The following GANAB variants were observed in gnomAD, a reference collection of about 807,000 sequenced individuals.
GANAB encodes glucosidase II alpha subunit.
In GANAB, 35 loss-of-function variants were observed where a neutral mutation model predicts 129.9. The observed-to-expected ratio is 0.27, with a 90% CI of 0.21 to 0.36. The LOEUF (loss-of-function observed/expected upper bound fraction) is 0.36. Ranked by LOEUF, GANAB falls within the 10% of genes least tolerant of loss-of-function variation. The pLI is 1.00. For synonymous variants in GANAB, 482 were observed against 451.8 expected (o/e 1.07, Z -0.85); for missense variants, 939 against 1,221.0 (o/e 0.77, Z 3.44).
intron 1 of GANAB, 54 bp downstream of exon 1, chr11:62,646,508 A>C: frequency 1.3e-6 from 2 of 1,588,216 alleles, no homozygotes; most frequent in Non-Finnish European, 1.7e-6. Context: ...GTGGAATGGG[A>C]CTTGGGGGAT....
Position 62,626,402 on chromosome 11 carries a change from T to G in GANAB, c.2557A>C (p.Asn853His). Residue 853 changes from asparagine (N) to histidine (H), a missense_variant, in exon 22 of 24, where the codon AAC becomes CAC. Physicochemically the swap from Asn to His is moderately conservative, Grantham distance 68. Transcript: ENST00000356638. ...ELFLDDGHTF[N>H]YQTRQEFLLR... ...AGGAACTCTTGGCGAGTCTGATAGT[T>G]GAACGTGTGCCCATCATCCAGAAAG... 1 of 1,613,780 alleles carries G rather than the reference T, an allele frequency of 6.2e-7. No individual in the cohort carries two copies. Among genetic ancestry groups the G allele is most frequent in the East Asian group, 2.2e-5 (1 of 44,876 alleles).
intron 5 of GANAB, chr11:62,634,524 A>G (rs1943846554): frequency 1.5e-6 from 1 of 647,468 alleles, no homozygotes; most frequent in East Asian, 2.7e-5. Flanking sequence ...AAACGAAGAA[A>G]ATAAATCTGG....
Position 62,635,049 on chromosome 11 carries a change from G to A in GANAB, c.381-49C>T, listed in dbSNP as rs775863882. On this transcript the variant is annotated intron_variant, in intron 4 of 23. Coordinates refer to ENST00000356638, the MANE Select transcript of GANAB (RefSeq NM_198334.3). Reference sequence around the variant, plus strand: ...ATAAGGAAGTACAAAGGGCCAAGAGGAGTAATGACACTTTAGAAGACCGGG... The same window carrying A: ...ATAAGGAAGTACAAAGGGCCAAGAGAAGTAATGACACTTTAGAAGACCGGG... 4.4e-6 allele frequency: 6 copies of A among 1,365,442 alleles called. No homozygotes were observed. In the Admixed American group the frequency reaches 8.8e-5, roughly 20 times the overall value. 84.6% of individuals were successfully genotyped at this position (1,365,442 alleles called of 1,614,324 possible). A position where few individuals can be genotyped will look rare whatever the true frequency, so the allele number is the denominator to read the frequency against.
At chr11:62,632,494 C>G in intron 9 of GANAB, 71 bp downstream of exon 9, 1 of 1,190,160 alleles carries the variant, frequency 8.4e-7, no homozygotes, top group African/African-American at 1.5e-5. Context: ...AGCTAATGCC[C>G]CTAGTATACC....
At chr11:62,635,629 CTT>C (rs879709853) in intron 4 of GANAB, among the ~76,000 whole-genome samples, 20 of 141,890 alleles carry the variant, frequency 1.4e-4, no homozygotes, top group Non-Finnish European at 1.2e-4. Flanking sequence ...TGATGTACTT[CTT>C]TTTTTTTTTT....
At chr11:62,643,622 G>A (rs545829286) in intron 1 of GANAB, among the ~76,000 whole-genome samples, 122 of 152,186 alleles carry the variant, frequency 8.0e-4, no homozygotes, top group African/African-American at 2.8e-3. Context: ...CAGCCTGGGC[G>A]ACACAGCGAA....
At chr11:62,631,256 A>T in intron 9 of GANAB, 73 bp from the exon 10 acceptor site, 1 of 1,390,520 alleles carries the variant, frequency 7.2e-7, no homozygotes, top group Non-Finnish European at 9.8e-7. Context: ...AAAAAGTAGC[A>T]ATTTTCTCCC....
chr11:62,633,058 C>A lies in GANAB; in HGVS notation c.762G>T (p.Glu254Asp), dbSNP rs1167855800. Reference sequence around the variant, plus strand: ...CATGCTCAGGGATCCCATAGACATGCTCCATGCCTGGCAGAGAGAAGTCCA... The same window carrying A: ...CATGCTCAGGGATCCCATAGACATGATCCATGCCTGGCAGAGAGAAGTCCA... Reference protein sequence around the residue: ...VGLDFSLPGMEHVYGIPEHAD... With the variant: ...VGLDFSLPGMDHVYGIPEHAD... The change falls in exon 8 of 24, where the codon GAG becomes GAT. Residue 254 changes from glutamate to aspartate, a missense_variant. By Grantham distance (45) the Glu-to-Asp change is conservative. This residue lies in a region of GANAB where 321 missense variants were observed against 329.1 expected (regional missense o/e 0.98). Coordinates refer to ENST00000356638, the MANE Select transcript of GANAB (RefSeq NM_198334.3). 1 of 1,612,286 alleles carries A rather than the reference C, an allele frequency of 6.2e-7. No homozygotes were observed. The highest frequency in any genetic ancestry group is 8.5e-7 in the Non-Finnish European group (1 of 1,178,452).
intron 2 of GANAB, 60 bp downstream of exon 2, chr11:62,639,567 A>G (rs1344600656): frequency 1.2e-5 from 17 of 1,452,436 alleles, no homozygotes; most frequent in African/African-American, 1.4e-5. Context: ...TCTGCCACAG[A>G]TATCTCCCAC....
chr11:62,626,209 A>G (rs1263566348), intron 22 of GANAB, 44 bp from the exon 23 acceptor site: 1 of 1,451,588 alleles, frequency 6.9e-7, no homozygotes, highest in African/African-American at 1.4e-5. Context: ...GAAAAATAAC[A>G]GAACAGAAGG....
Position 62,625,881 on chromosome 11 carries a change from G to C in GANAB, c.2769C>G (p.Thr923=), listed in dbSNP as rs375587198. Reference sequence around the variant, plus strand: ...CAGGCTTGCGCAGGACCAACACAGAGGTCTCAGGGTCATGCTGGAAGGACA... The same window carrying C: ...CAGGCTTGCGCAGGACCAACACAGACGTCTCAGGGTCATGCTGGAAGGACA... ...SRLSFQHDPE[T]SVLVLRKPGI... The change falls in exon 24 of 24, where the codon ACC becomes ACG. Residue 923 remains threonine (T), a synonymous_variant. Coordinates refer to ENST00000356638, the MANE Select transcript of GANAB (RefSeq NM_198334.3). 8.4e-5 allele frequency: 135 copies of C among 1,613,722 alleles called. No homozygotes were observed. The highest frequency in any genetic ancestry group is 1.1e-4 in the Non-Finnish European group (129 of 1,179,756).
chr11:62,632,818 A>T (rs1196699327), intron 8 of GANAB, 73 bp from the exon 9 acceptor site: 24 of 1,237,688 alleles, frequency 1.9e-5, no homozygotes, highest in Admixed American at 5.4e-5. Context: ...CACTCCACAG[A>T]CACAGGTGAG....
In GANAB at chr11:62,626,081, C is replaced by T. The variant is rs769317810; in HGVS notation, c.2709G>A (p.Val903=). The change falls in exon 23 of 24, where the codon GTG becomes GTA. Residue 903 remains valine (V), a synonymous_variant. Coordinates refer to ENST00000356638, the MANE Select transcript of GANAB (RefSeq NM_198334.3). ...VIIGAGKPAA[V]VLQTKGSPES... is the part of the protein sequence containing the mutation. Reference sequence around the variant, plus strand: ...GTCACTCACCTTTTGTCTGGAGTACCACAGCTGCTGGCTTTCCAGCCCCTA... The same window carrying T: ...GTCACTCACCTTTTGTCTGGAGTACTACAGCTGCTGGCTTTCCAGCCCCTA... The T allele has an allele frequency of 1.2e-6, 2 of 1,612,818 alleles. No individual in the cohort carries two copies. Among genetic ancestry groups the T allele is most frequent in the Non-Finnish European group, 1.7e-6 (2 of 1,178,880 alleles).
Position 62,627,358 on chromosome 11 carries a change from G to A in GANAB, c.2181-5C>T. 1 of 1,511,122 alleles carries A rather than the reference G, an allele frequency of 6.6e-7. No homozygotes were observed. The highest frequency in any genetic ancestry group is 9.2e-7 in the Non-Finnish European group (1 of 1,086,338). 93.6% of individuals were successfully genotyped at this position (1,511,122 alleles called of 1,614,324 possible). ...GGGTACTGCACCCACAGGGGCCTAGGAAGGAAGAAAGACAATAAAGGAAAA... is the reference window on the plus strand; with the variant it reads ...GGGTACTGCACCCACAGGGGCCTAGAAAGGAAGAAAGACAATAAAGGAAAA... On this transcript the variant is annotated splice_region_variant and splice_polypyrimidine_tract_variant and intron_variant, in intron 17 of 23. Transcript: ENST00000356638.
Position 62,639,062 on chromosome 11 carries a change from A to C in GANAB, c.301T>G (p.Phe101Val). 2 of 1,614,084 alleles carry C rather than the reference A, an allele frequency of 1.2e-6. No homozygotes were observed. The highest frequency in any genetic ancestry group is 1.1e-5 in the South Asian group (1 of 91,072). Residue 101 changes from phenylalanine to valine, a missense_variant, in exon 4 of 24, where the codon TTC becomes GTC. Phe to Val is a conservative substitution (Grantham distance 50). Around this residue, in one of 5 missense-constraint regions of GANAB, gnomAD observed 321 missense variants for 329.1 expected, o/e 0.98. Transcript: ENST00000356638. ...CGAGGCTCCAGCTCATCAATCCTGAACCGAGTCATGTTCTTTTGAAGCCCC... is the reference window on the plus strand; with the variant it reads ...CGAGGCTCCAGCTCATCAATCCTGACCCGAGTCATGTTCTTTTGAAGCCCC... ...LQGLQKNMTR[F>V]RIDELEPRRP...
At chr11:62,643,715 C>G (rs983124974) in intron 1 of GANAB, among the ~76,000 whole-genome samples, 1 of 152,136 alleles carries the variant, frequency 6.6e-6, no homozygotes. Context: ...ACTGGGGAGG[C>G]TGAGGAACGA....
chr11:62,638,119 G>A (rs1281584802), intron 4 of GANAB, among the ~76,000 whole-genome samples: 2 of 152,176 alleles, frequency 1.3e-5, no homozygotes, highest in Non-Finnish European at 2.9e-5. Context: ...GCCGTCAAGG[G>A]TACAGGACAG....
chr11:62,641,535 G>C (rs1944261722), intron 1 of GANAB, among the ~76,000 whole-genome samples: 1 of 151,930 alleles, frequency 6.6e-6, no homozygotes, highest in Admixed American at 6.6e-5. Flanking sequence ...TGCACCCCTA[G>C]GGGCCTGGGT....
At chr11:62,635,055 T>G in intron 4 of GANAB, 55 bp from the exon 5 acceptor site, 2 of 1,316,758 alleles carry the variant, frequency 1.5e-6, no homozygotes, top group Non-Finnish European at 2.2e-6. Context: ...AGAGGAGTAA[T>G]GACACTTTAG....
Sources: gnomAD v4.1 joint callset for allele counts (sites outside exome capture counted in the v4.1 genomes callset) on GRCh38, gnomAD v4.1.1 for gene constraint, gnomAD v4.1.1 regional missense constraint, MANE v1.5 for transcripts, NCBI Gene and HGNC (gene_info 2026-07-23, HGNC 2026-07-21) for gene names.